COL12A1: variants seen among roughly 807,000 people sequenced by gnomAD.
COL12A1 encodes the protein collagen type XII alpha 1 chain, also known as collagen alpha-1(XII) chain.
A neutral mutation model predicts 349.7 loss-of-function variants in COL12A1; 114 were observed. The ratio of observed to expected loss-of-function variants is 0.33; its 90% confidence interval spans 0.28 to 0.38. The LOEUF (loss-of-function observed/expected upper bound fraction) is 0.38. Among genes scored for constraint, COL12A1 ranks in the 10% least tolerant of loss-of-function variants. The pLI, the probability that COL12A1 is intolerant of heterozygous loss-of-function variation, is 1.00. For synonymous variants in COL12A1, 1,369 were observed against 1,329.0 expected, an observed-to-expected ratio of 1.03 and a Z score of -0.66; for missense variants, 3,284 against 3,756.9, an observed-to-expected ratio of 0.87 and a Z score of 3.29.
chr6:75,194,973 T>A, intron 2 of COL12A1, 26 bp from the exon 3 acceptor site: 2 of 1,355,394 alleles, frequency 1.5e-6, no homozygotes, highest in Non-Finnish European at 2.1e-6. Flanking sequence ...TTTATATTAT[T>A]AAACTTTTCA....
intron 13 of COL12A1, among the ~76,000 whole-genome samples, chr6:75,171,740 C>T (rs115809645): frequency 6.6e-6 from 1 of 152,128 alleles, no homozygotes; most frequent in African/African-American, 2.4e-5. Context: ...ATATCCTATT[C>T]CTGTATATGG....
chr6:75,183,487 C>G lies in COL12A1; in HGVS notation c.1454G>C (p.Ser485Thr). The G allele has an allele frequency of 6.2e-7, 1 of 1,614,136 alleles. No individual in the cohort carries two copies. The highest frequency in any genetic ancestry group is 2.2e-5 in the East Asian group (1 of 44,878). ...NRVQISLVQY[S>T]RDPHTEFTLK... ...AGTGAACTCAGTATGAGGATCCCGG[C>G]TGTATTGCACAAGACTAATCTGGAC... The change falls in exon 10 of 66, where the codon AGC (serine) becomes ACC (threonine). Residue 485 changes from serine (S) to threonine (T), a missense_variant. Around this residue, in one of 2 missense-constraint regions of COL12A1, gnomAD observed 2,601 missense variants for 2,824.8 expected, o/e 0.92. Transcript: ENST00000322507.
chr6:75,138,914 C>G lies in COL12A1; in HGVS notation c.5005G>C (p.Glu1669Gln), dbSNP rs181511246. ...TNLKITEVTS[E>Q]GFRGTWDHGA... Reference sequence around the variant, plus strand: ...TGATCCCAAGTCCCTCTGAAACCCTCTGATGTTACTTCAGTAATCTTTAAG... The same window carrying G: ...TGATCCCAAGTCCCTCTGAAACCCTGTGATGTTACTTCAGTAATCTTTAAG... The change falls in exon 28 of 66, where the codon GAG becomes CAG. Residue 1669 changes from glutamate to glutamine, a missense_variant. By Grantham distance (29) the Glu-to-Gln change is conservative. Transcript: ENST00000322507. 3,754 of 1,614,100 alleles carry G rather than the reference C, an allele frequency of 2.3e-3. 8 individuals carry two copies. The highest frequency in any genetic ancestry group is 3.0e-3 in the Non-Finnish European group (3,502 of 1,179,950).
At chr6:75,140,986 GA>G (rs959861128) in intron 27 of COL12A1, among the ~76,000 whole-genome samples, 1 of 152,252 alleles carries the variant, frequency 6.6e-6, no homozygotes, top group South Asian at 2.1e-4. Context: ...AACTGTTACA[GA>G]AAAAAGGTAA....
At chr6:75,180,806 T>C in intron 11 of COL12A1, 133 bp downstream of exon 11, 1 of 1,114,700 alleles carries the variant, frequency 9.0e-7, no homozygotes, top group South Asian at 2.0e-5. Flanking sequence ...AAAAGCTGTC[T>C]TTTAAAGATG....
chr6:75,155,915 T>C, intron 15 of COL12A1, 61 bp from the exon 16 acceptor site: 1 of 1,492,702 alleles, frequency 6.7e-7, no homozygotes, highest in Non-Finnish European at 9.0e-7. Context: ...GGGTTTCTTT[T>C]TTATTAGCCC....
intron 21 of COL12A1, 69 bp downstream of exon 21, chr6:75,151,072 C>CCCAAA: frequency 1.5e-6 from 1 of 662,818 alleles, no homozygotes; most frequent in Non-Finnish European, 2.3e-6. Context: ...TCCCCCCCAC[C>CCCAAA]CAAAAGAATA....
At chr6:75,138,272 T>C (rs753957754) in intron 30 of COL12A1, 48 bp downstream of exon 30, 1 of 1,528,016 alleles carries the variant, frequency 6.5e-7, no homozygotes, top group Non-Finnish European at 9.0e-7. Flanking sequence ...ATTTATACAT[T>C]CATTCATTAT....
At chr6:75,174,770 A>G (rs889971880) in intron 13 of COL12A1, among the ~76,000 whole-genome samples, 2 of 152,050 alleles carry the variant, frequency 1.3e-5, no homozygotes, top group Non-Finnish European at 2.9e-5. Flanking sequence ...CTTTCAACCA[A>G]CCCATGGAAC....
At position 75,165,693 on chromosome 6, in the gene COL12A1, G is replaced by A. The variant is rs377223474; in HGVS notation, c.2797C>T (p.Arg933Cys). The A allele has an allele frequency of 4.7e-5, 76 of 1,613,802 alleles. No homozygotes were observed. The highest frequency in any genetic ancestry group is 1.3e-4 in the African/African-American group (10 of 74,900). ...AYWTSAPGMV[R>C]GYRVSWKSLY... Reference sequence around the variant, plus strand: ...GATTTCCATGAGACCCTGTAACCGCGAACCATTCCTGGAGCAGATGTCCAA... The same window carrying A: ...GATTTCCATGAGACCCTGTAACCGCAAACCATTCCTGGAGCAGATGTCCAA... The change falls in exon 14 of 66, where the codon CGC becomes TGC. Residue 933 changes from arginine (R) to cysteine (C), a missense_variant. Physicochemically the swap from Arg to Cys is radical, Grantham distance 180 (BLOSUM62 -3). Coordinates refer to ENST00000322507, the MANE Select transcript of COL12A1 (RefSeq NM_004370.6).
chr6:75,202,667 T>G (rs1770590798), intron 2 of COL12A1, 53 bp downstream of exon 2: 4 of 1,500,032 alleles, frequency 2.7e-6, no homozygotes, highest in Non-Finnish European at 9.1e-7. Context: ...ATGTGTTTTT[T>G]CCTTTCTCGA....
rs374493461 is a variant in COL12A1 at position 75,137,505 on chromosome 6, C to G, written c.5326G>C (p.Ala1776Pro). Reference protein sequence around the residue: ...SNSLTVKWDPASGRVQKYRIT... With the variant: ...SNSLTVKWDPPSGRVQKYRIT... ...CTATATTTCTGCACACGACCACTAG[C>G]AGGATCCCACTTAACAGTCAGGCTG... Residue 1776 changes from alanine (A) to proline (P), a missense_variant, in exon 31 of 66, where the codon GCT becomes CCT. Ala to Pro is a conservative substitution (Grantham distance 27). Around this residue, in one of 2 missense-constraint regions of COL12A1, gnomAD observed 2,601 missense variants for 2,824.8 expected, o/e 0.92. Coordinates refer to ENST00000322507, the MANE Select transcript of COL12A1 (RefSeq NM_004370.6). 6 of 1,613,724 alleles carry G rather than the reference C, an allele frequency of 3.7e-6. No homozygotes were observed. Among genetic ancestry groups the G allele is most frequent in the Non-Finnish European group, 5.1e-6 (6 of 1,179,856 alleles).
At chr6:75,189,843 T>C in intron 5 of COL12A1, 28 bp from the exon 6 acceptor site, 1 of 1,602,386 alleles carries the variant, frequency 6.2e-7, no homozygotes, top group Admixed American at 1.7e-5. Flanking sequence ...TCTTTTTAAA[T>C]GATGCTTTAT....
At chr6:75,179,868 A>G (rs1350452498) in intron 11 of COL12A1, among the ~76,000 whole-genome samples, 1 of 152,250 alleles carries the variant, frequency 6.6e-6, no homozygotes, top group Non-Finnish European at 1.5e-5. Context: ...AATATATTCA[A>G]TTCTATCCAG....
chr6:75,176,155 A>G (rs945302149), intron 12 of COL12A1, among the ~76,000 whole-genome samples: 2 of 152,220 alleles, frequency 1.3e-5, no homozygotes, highest in Non-Finnish European at 2.9e-5. Context: ...GAAAGCCTCC[A>G]TAGCAGAACA....
In COL12A1 at chr6:75,096,158, G is replaced by A. The variant is rs180767888; in HGVS notation, c.8578-979C>T. Among the ~76,000 whole-genome samples, 1,123 of 152,092 alleles carry A rather than the reference G, an allele frequency of 7.4e-3. 8 individuals are homozygous for A. Among genetic ancestry groups the A allele is most frequent in the South Asian group, 0.036 (175 of 4,818 alleles). On this transcript the variant is annotated intron_variant, in intron 59 of 65. Coordinates refer to ENST00000322507, the MANE Select transcript of COL12A1 (RefSeq NM_004370.6). ...AATAGAATGTTTATAATATGTACTG[G>A]CCAATATGTCATGTTCTAAAGCCTA...
At chr6:75,143,773 A>G (rs964354012) in intron 25 of COL12A1, among the ~76,000 whole-genome samples, 2 of 152,216 alleles carry the variant, frequency 1.3e-5, no homozygotes, top group Non-Finnish European at 2.9e-5. Flanking sequence ...CAATAGAGTT[A>G]TGCACCCTCA....
chr6:75,085,216 C>T lies in COL12A1; in HGVS notation c.*1331G>A, dbSNP rs762028336. Reference sequence around the variant, plus strand: ...CACTGCCCGGGTCCGTGGGGCAGGGCGCGCCGCCAGCGCCGGTGGGGCTCA... The same window carrying T: ...CACTGCCCGGGTCCGTGGGGCAGGGTGCGCCGCCAGCGCCGGTGGGGCTCA... On this transcript the variant is annotated 3_prime_UTR_variant, in exon 66 of 66. Coordinates refer to ENST00000322507, the MANE Select transcript of COL12A1 (RefSeq NM_004370.6). The T allele has an allele frequency of 8.5e-6, 4 of 468,578 alleles. 1 individual carries two copies. Among genetic ancestry groups the T allele is most frequent in the South Asian group, 6.2e-5 (4 of 64,470 alleles). The allele number at this position is 468,578 out of a possible 1,614,324, so 29.0% of individuals were successfully genotyped here. A position where few individuals can be genotyped will look rare whatever the true frequency, so the allele number is the denominator to read the frequency against.
chr6:75,115,368 T>C (rs1481874798), intron 49 of COL12A1, among the ~76,000 whole-genome samples: 2 of 152,136 alleles, frequency 1.3e-5, no homozygotes, highest in African/African-American at 4.8e-5. Flanking sequence ...TGTCTGATCA[T>C]GGACAAGAAA....
Sources: gnomAD v4.1 joint callset for allele counts (sites outside exome capture counted in the v4.1 genomes callset) on GRCh38, gnomAD v4.1.1 for gene constraint, gnomAD v4.1.1 regional missense constraint, MANE v1.5 for transcripts, NCBI Gene and HGNC (gene_info 2026-07-23, HGNC 2026-07-21) for gene names.